The following KIAA1958 variants were observed in gnomAD, a reference collection of about 807,000 sequenced individuals.
The protein encoded by KIAA1958 is uncharacterized protein KIAA1958.
Under a neutral mutation model 47.2 loss-of-function variants are expected in KIAA1958, and 14 were observed. That is an observed-to-expected ratio of 0.30 (90% CI 0.20 to 0.46). The LOEUF is 0.46. Among genes scored for constraint, KIAA1958 ranks in the 20% least tolerant of loss-of-function variants. The pLI is 1.00. For synonymous variants in KIAA1958, 354 were observed against 353.3 expected, an observed-to-expected ratio of 1.00 and a Z score of -0.02; for missense variants, 803 against 909.2, an observed-to-expected ratio of 0.88 and a Z score of 1.50.
intron 1 of KIAA1958, among the ~76,000 whole-genome samples, chr9:112,562,365 C>T (rs890070024): frequency 1.3e-5 from 2 of 152,146 alleles, no homozygotes; most frequent in Non-Finnish European, 2.9e-5. Context: ...ACATAGCTAG[C>T]AAGTGGCCAG....
intron 3 of KIAA1958, among the ~76,000 whole-genome samples, chr9:112,650,290 A>G (rs1391881185): frequency 1.3e-5 from 2 of 152,186 alleles, no homozygotes; most frequent in Non-Finnish European, 2.9e-5. Flanking sequence ...ATTATACCAT[A>G]CAGAAACAAG....
chr9:112,579,141 C>A (rs1588026442), intron 2 of KIAA1958, among the ~76,000 whole-genome samples: 1 of 151,988 alleles, frequency 6.6e-6, no homozygotes, highest in East Asian at 1.9e-4. Flanking sequence ...TCCCAAGTAG[C>A]TCATAGTCTC....
intron 2 of KIAA1958, among the ~76,000 whole-genome samples, chr9:112,596,898 C>T (rs1479833190): frequency 6.6e-6 from 1 of 152,042 alleles, no homozygotes; most frequent in Non-Finnish European, 1.5e-5. Context: ...TTGATCCTTA[C>T]TGATTAATAT....
At chr9:112,487,408 C>T (rs1328312060) in intron 1 of KIAA1958, among the ~76,000 whole-genome samples, 1 of 151,914 alleles carries the variant, frequency 6.6e-6, no homozygotes, top group Non-Finnish European at 1.5e-5. Context: ...CCCCGCCGCC[C>T]GGCAGCTCGG....
chr9:112,504,682 T>C (rs1834204358), intron 1 of KIAA1958, among the ~76,000 whole-genome samples: 1 of 152,116 alleles, frequency 6.6e-6, no homozygotes, highest in African/African-American at 2.4e-5. Flanking sequence ...GACAAGAAAA[T>C]CTTTGAAAAT....
intron 3 of KIAA1958, among the ~76,000 whole-genome samples, chr9:112,656,270 AG>A (rs1248378625): frequency 6.9e-6 from 1 of 144,866 alleles, no homozygotes; most frequent in Non-Finnish European, 1.5e-5. Flanking sequence ...GCTACTCGGG[AG>A]GCTGAGGCAG....
rs1832312053 is a variant in KIAA1958, at chr9:112,662,570, A to G, written c.*2501A>G. On this transcript the variant is annotated 3_prime_UTR_variant, in exon 4 of 4. Transcript: ENST00000337530. ...AGCACTTTGGGAGGCCAAGGTGGGC[A>G]GATCACTTGAGGTCAGGAGTTCAAG... is the stretch of plus-strand genomic sequence containing the variant. 1 of 152,318 alleles carries G rather than the reference A, an allele frequency of 6.6e-6. No individual in the cohort carries two copies. 9.4% of individuals were successfully genotyped at this position (152,318 alleles called of 1,614,324 possible).
At chr9:112,613,048 A>G (rs62575197) in intron 2 of KIAA1958, among the ~76,000 whole-genome samples, 187 of 152,340 alleles carry the variant, frequency 1.2e-3, no homozygotes, top group Non-Finnish European at 2.2e-3. Flanking sequence ...CCATTTTGAA[A>G]GGAAAAGAAT....
chr9:112,560,396 C>T (rs1835307593), intron 1 of KIAA1958, among the ~76,000 whole-genome samples: 1 of 151,754 alleles, frequency 6.6e-6, no homozygotes, highest in South Asian at 2.1e-4. Context: ...GAGAAAGGGT[C>T]TCCAGCTGGT....
intron 2 of KIAA1958, among the ~76,000 whole-genome samples, chr9:112,577,605 G>C (rs1444657943): frequency 1.3e-5 from 2 of 151,174 alleles, no homozygotes; most frequent in African/African-American, 4.9e-5. Context: ...TACCCAGTTT[G>C]GTGAGAGTAT....
intron 2 of KIAA1958, among the ~76,000 whole-genome samples, chr9:112,597,730 T>A (rs1836057662): frequency 6.6e-6 from 1 of 152,230 alleles, no homozygotes; most frequent in Non-Finnish European, 1.5e-5. Context: ...AGATGCTGAA[T>A]ATGTTTTTGT....
At chr9:112,511,628 A>G (rs1287033111) in intron 1 of KIAA1958, among the ~76,000 whole-genome samples, 1 of 152,256 alleles carries the variant, frequency 6.6e-6, no homozygotes, top group Admixed American at 6.5e-5. Flanking sequence ...ACCTTATGAA[A>G]TTAGAATACT....
intron 2 of KIAA1958, among the ~76,000 whole-genome samples, chr9:112,575,788 A>C (rs1412516878): frequency 6.6e-6 from 1 of 152,184 alleles, no homozygotes; most frequent in Admixed American, 6.5e-5. Context: ...TTTCTCTTAA[A>C]ATTTAAAAGA....
rs1837371197 is a variant in KIAA1958 at position 112,667,845 on chromosome 9, C to T, written c.*7776C>T. On this transcript the variant is annotated 3_prime_UTR_variant, in exon 4 of 4. Coordinates refer to ENST00000337530, the MANE Select transcript of KIAA1958 (RefSeq NM_133465.4). ...CCTACGAGGCTTGATTTAAATAAAA[C>T]AATGTTTGCTTAGTATCCTAATTTC... 1 of 152,082 alleles carries T rather than the reference C, an allele frequency of 6.6e-6. No individual in the cohort carries two copies. The highest frequency in any genetic ancestry group is 2.1e-4 in the South Asian group (1 of 4,818). The allele number at this position is 152,082 out of a possible 1,614,324, so 9.4% of individuals were successfully genotyped here. A position where few individuals can be genotyped will look rare whatever the true frequency, so the allele number is the denominator to read the frequency against.
chr9:112,569,674 G>A (rs887328913), intron 1 of KIAA1958, among the ~76,000 whole-genome samples: 11 of 150,544 alleles, frequency 7.3e-5, no homozygotes, highest in Admixed American at 3.3e-4. Flanking sequence ...AGGCTGGTGT[G>A]CAATGGCATG....
intron 1 of KIAA1958, among the ~76,000 whole-genome samples, chr9:112,567,959 C>CAAAAAAAAAAAAAAAA (rs35931681): frequency 1.5e-5 from 1 of 66,180 alleles, no homozygotes; most frequent in Non-Finnish European, 2.7e-5. Context: ...GAATCCATCT[C>CAAAAAAAAAAAAAAAA]AAAAAAAAAA....
intron 1 of KIAA1958, among the ~76,000 whole-genome samples, chr9:112,548,116 A>T (rs960303595): frequency 9.2e-5 from 13 of 141,908 alleles, no homozygotes; most frequent in African/African-American, 2.9e-4. Flanking sequence ...CAATCCTCCC[A>T]CCTCAGTCCC....
rs1358242865 is a variant in KIAA1958, at chr9:112,575,106, C to T, written c.1026C>T (p.Phe342=). The T allele has an allele frequency of 6.2e-7, 1 of 1,609,768 alleles. No individual in the cohort carries two copies. The highest frequency in any genetic ancestry group is 1.7e-5 in the Admixed American group (1 of 60,024). The change falls in exon 2 of 4, where the codon TTC becomes TTT. Residue 342 remains phenylalanine (F), a synonymous_variant. Transcript: ENST00000337530. ...GQDEQVASEE[F]LSHLPSQVSS... is the part of the protein sequence containing the mutation. ...ATGAGCAAGTTGCCTCTGAAGAGTT[C>T]CTGTCCCATCTGCCCAGCCAGGTCT...
Position 112,645,795 on chromosome 9 carries a change from G to T in KIAA1958, c.1317G>T (p.Gly439=), listed in dbSNP as rs1264771851. The change falls in exon 3 of 4, where the codon GGG becomes GGT. Residue 439 remains glycine (G), a synonymous_variant. Coordinates refer to ENST00000337530, the MANE Select transcript of KIAA1958 (RefSeq NM_133465.4). ...NVWRYWCMTN[G]LKDHTDITKI... Reference sequence around the variant, plus strand: ...GGCGTTATTGGTGCATGACCAACGGGCTCAAAGACCACACAGACATCACCA... The same window carrying T: ...GGCGTTATTGGTGCATGACCAACGGTCTCAAAGACCACACAGACATCACCA... 3 of 1,613,248 alleles carry T rather than the reference G, an allele frequency of 1.9e-6. No homozygotes were observed. The highest frequency in any genetic ancestry group is 2.5e-6 in the Non-Finnish European group (3 of 1,179,844).
Sources: allele counts gnomAD v4.1 joint callset (sites outside exome capture counted in the v4.1 genomes callset), GRCh38; gene constraint gnomAD v4.1.1; transcripts MANE v1.5; gene names NCBI Gene and HGNC (gene_info 2026-07-23, HGNC 2026-07-21).